DTYMK: variants seen among roughly 807,000 people sequenced by gnomAD.
DTYMK encodes thymidylate kinase.
DTYMK carries 20 observed loss-of-function variants against 20.3 expected under a neutral mutation model. The ratio of observed to expected loss-of-function variants is 0.99; its 90% CI spans 0.69 to 1.43. The LOEUF (loss-of-function observed/expected upper bound fraction) is 1.43, where lower values mean the gene tolerates loss of function less well. DTYMK is among the 40% of genes most tolerant of loss of function. The pLI, the probability that DTYMK is intolerant of heterozygous loss-of-function variation, is 0.00. For synonymous variants in DTYMK, 148 were observed against 124.4 expected (o/e 1.19, Z -1.27); for missense variants, 320 against 291.1 (o/e 1.10, Z -0.72).
In DTYMK at chr2:241,676,215, A is replaced by G; in HGVS notation, c.551T>C (p.Ile184Thr). The G allele has an allele frequency of 6.2e-7, 1 of 1,612,314 alleles. No individual in the cohort carries two copies. Among genetic ancestry groups the G allele is most frequent in the Non-Finnish European group, 8.5e-7 (1 of 1,179,520 alleles). ...NWKMVDASKS[I>T]EAVHEDIRVL... Reference sequence around the variant, plus strand: ...GCGGATGTCCTCATGGACAGCTTCGATGCTTTTGGAAGCATCCACCATCTG... The same window carrying G: ...GCGGATGTCCTCATGGACAGCTTCGGTGCTTTTGGAAGCATCCACCATCTG... Residue 184 changes from isoleucine (I) to threonine (T), a missense_variant, in exon 5 of 5, where the codon ATC (isoleucine) becomes ACC (threonine). Physicochemically the swap from Ile to Thr is moderately conservative, Grantham distance 89. Coordinates refer to ENST00000305784, the MANE Select transcript of DTYMK (RefSeq NM_012145.4).
intron 2 of DTYMK, 126 bp downstream of exon 2, chr2:241,685,643 C>CT: frequency 9.5e-7 from 1 of 1,050,252 alleles, no homozygotes; most frequent in Non-Finnish European, 1.4e-6. Context: ...CACAGGACTG[C>CT]TAAACAGAAG....
rs550922960 is a variant in DTYMK, at chr2:241,683,560, T to A, written c.239+2209A>T. On this transcript the variant is annotated intron_variant, in intron 2 of 4. Transcript: ENST00000305784. ...TGGTTTAGCAGTTCTTCACAAAAATTAATAGTCTTACCACATATTAAAGCA... is the reference window on the plus strand; with the variant it reads ...TGGTTTAGCAGTTCTTCACAAAAATAAATAGTCTTACCACATATTAAAGCA... 6.6e-5 allele frequency among the ~76,000 whole-genome samples: 10 copies of A among 152,170 alleles called. No individual in the cohort carries two copies. In the South Asian group the frequency reaches 2.1e-3, roughly 32 times the overall value.
intron 2 of DTYMK, chr2:241,682,357 A>G: frequency 2.7e-6 from 1 of 376,258 alleles, no homozygotes; most frequent in Non-Finnish European, 5.3e-6. Context: ...AGAGAGAAAG[A>G]GAGTGAGAAA....
chr2:241,677,665 G>A (rs539178554), intron 4 of DTYMK, among the ~76,000 whole-genome samples: 1 of 152,258 alleles, frequency 6.6e-6, no homozygotes, highest in Non-Finnish European at 1.5e-5. Flanking sequence ...GAGGAGCAGA[G>A]GCGGCCAGCC....
intron 2 of DTYMK, 164 bp downstream of exon 2, chr2:241,685,605 G>A: frequency 1.6e-6 from 1 of 629,562 alleles, no homozygotes; most frequent in Non-Finnish European, 2.7e-6. Context: ...GCGCCCTTTG[G>A]GAACTAGGGC....
intron 2 of DTYMK, 45 bp downstream of exon 2, chr2:241,685,724 A>C: frequency 6.4e-7 from 1 of 1,572,580 alleles, no homozygotes. Context: ...CTCAGGAGGA[A>C]GGAAAGTGGC....
intron 4 of DTYMK, among the ~76,000 whole-genome samples, chr2:241,676,600 T>G (rs1297823623): frequency 6.6e-6 from 1 of 152,234 alleles, no homozygotes; most frequent in Non-Finnish European, 1.5e-5. Context: ...AACCTCAACC[T>G]TGACAAGTGT....
chr2:241,685,604 G>C, intron 2 of DTYMK, 165 bp downstream of exon 2: 1 of 624,080 alleles, frequency 1.6e-6, no homozygotes, highest in South Asian at 2.3e-5. Flanking sequence ...AGCGCCCTTT[G>C]GGAACTAGGG....
chr2:241,676,447 G>GT (rs565327755), intron 4 of DTYMK, among the ~76,000 whole-genome samples: 115 of 152,304 alleles, frequency 7.6e-4, no homozygotes, highest in African/African-American at 2.5e-3. Flanking sequence ...GGGTGACACA[G>GT]TAACACCCTG....
intron 2 of DTYMK, 31 bp from the exon 3 acceptor site, chr2:241,680,350 C>T: frequency 6.2e-7 from 1 of 1,612,200 alleles, no homozygotes; most frequent in Non-Finnish European, 8.5e-7. Context: ...GAGCCCTGGT[C>T]CTGTTTCATA....
chr2:241,676,446 A>C (rs1327132072), intron 4 of DTYMK, among the ~76,000 whole-genome samples: 2 of 152,204 alleles, frequency 1.3e-5, no homozygotes, highest in African/African-American at 2.4e-5. Context: ...TGGGTGACAC[A>C]GTAACACCCT....
intron 4 of DTYMK, among the ~76,000 whole-genome samples, chr2:241,677,613 C>G (rs537263837): frequency 1.3e-5 from 2 of 152,178 alleles, no homozygotes; most frequent in Non-Finnish European, 2.9e-5. Flanking sequence ...GCGGTGGGCA[C>G]GGGCGACTGG....
At position 241,686,527 on chromosome 2, in the gene DTYMK, C is replaced by T. The variant is rs1429816391; in HGVS notation, c.130+127G>A. On this transcript the variant is annotated intron_variant, in intron 1 of 4. Coordinates refer to ENST00000305784, the MANE Select transcript of DTYMK (RefSeq NM_012145.4). ...CCAGCCTGGGCGACACAGGGAAAGC[C>T]CGTCTTTCAAAATAAAAACCGCACA... is the stretch of plus-strand genomic sequence containing the variant. The T allele has an allele frequency of 2.3e-6, 3 of 1,318,492 alleles. No homozygotes were observed. The African/African-American group carries it at 4.7e-5, about 21-fold the overall frequency. 81.7% of individuals were successfully genotyped at this position (1,318,492 alleles called of 1,614,324 possible). A position where few individuals can be genotyped will look rare whatever the true frequency, so the allele number is the denominator to read the frequency against.
At chr2:241,680,070 A>C (rs1575104854) in intron 3 of DTYMK, among the ~76,000 whole-genome samples, 159 bp downstream of exon 3, 1 of 152,072 alleles carries the variant, frequency 6.6e-6, no homozygotes, top group Non-Finnish European at 1.5e-5. Flanking sequence ...TGCTCTTCTT[A>C]TTGATAAAAC....
intron 2 of DTYMK, among the ~76,000 whole-genome samples, chr2:241,680,912 C>T (rs1383028937): frequency 6.6e-6 from 1 of 152,166 alleles, no homozygotes. Flanking sequence ...AGGAGATGCA[C>T]TGTCAGCTGT....
chr2:241,681,534 TG>T (rs1418087223), intron 2 of DTYMK, among the ~76,000 whole-genome samples: 1 of 150,732 alleles, frequency 6.6e-6, no homozygotes, highest in Admixed American at 6.6e-5. Flanking sequence ...CCACAAAAAG[TG>T]GGGGAAAAAA....
chr2:241,682,265 C>T (rs979217206), intron 2 of DTYMK: 18 of 453,412 alleles, frequency 4.0e-5, no homozygotes, highest in African/African-American at 1.6e-4. Context: ...CACTTGAACC[C>T]GGGAGGTCGA....
At chr2:241,679,838 G>A (rs2069198107) in intron 3 of DTYMK, among the ~76,000 whole-genome samples, 1 of 151,972 alleles carries the variant, frequency 6.6e-6, no homozygotes, top group Admixed American at 6.6e-5. Flanking sequence ...GCACGGTGGT[G>A]CATGCCTATA....
chr2:241,679,075 C>T (rs1045586242), intron 3 of DTYMK, among the ~76,000 whole-genome samples: 1 of 152,214 alleles, frequency 6.6e-6, no homozygotes, highest in Admixed American at 6.5e-5. Flanking sequence ...GCCACACACA[C>T]GCCAGGGTCT....
Sources: gnomAD v4.1 joint callset for allele counts (sites outside exome capture counted in the v4.1 genomes callset) on GRCh38, gnomAD v4.1.1 for gene constraint, MANE v1.5 for transcripts, NCBI Gene and HGNC (gene_info 2026-07-23, HGNC 2026-07-21) for gene names.